Variants in XPR1 observed in about 807,000 individuals in gnomAD.
XPR1 encodes the protein xenotropic and polytropic retrovirus receptor 1.
In XPR1, 28 loss-of-function variants were observed where a neutral mutation model predicts 87.5. The observed-to-expected ratio is 0.32, with a 90% CI of 0.24 to 0.44. The LOEUF (loss-of-function observed/expected upper bound fraction) is 0.44. XPR1 is among the 20% of genes least tolerant of loss of function. The probability of loss-of-function intolerance (pLI) is 1.00; values close to 1 mark genes in which losing one functional copy is unlikely to be tolerated. For synonymous variants in XPR1, 300 were observed against 306.1 expected (o/e 0.98, Z 0.21); for missense variants, 559 against 862.3 (o/e 0.65, Z 4.41).
chr1:180,654,546 T>C (rs1241207667), intron 1 of XPR1, among the ~76,000 whole-genome samples: 1 of 152,130 alleles, frequency 6.6e-6, no homozygotes, highest in Non-Finnish European at 1.5e-5. Context: ...CTAAACTCTT[T>C]CCTCTTAAAC....
At chr1:180,721,790 C>G (rs1436105515) in intron 2 of XPR1, among the ~76,000 whole-genome samples, 1 of 152,108 alleles carries the variant, frequency 6.6e-6, no homozygotes, top group African/African-American at 2.4e-5. Flanking sequence ...ACCACTTCCA[C>G]TTAATTAATA....
rs749095671 is a variant in XPR1 at position 180,753,554 on chromosome 1, T to TA, written c.122-34184dup. ...GGGCAACAGAGTCAGACCCTGTCTT[T>TA]AAAAAAAAAAAAAAAGCAGTGCTGA... On this transcript the variant is annotated intron_variant, in intron 2 of 14. Transcript: ENST00000367590. Among the ~76,000 whole-genome samples, 582 of 138,368 alleles carry TA rather than the reference T, an allele frequency of 4.2e-3. 1 individual carries two copies. Among genetic ancestry groups the TA allele is most frequent in the African/African-American group, 9.2e-3 (347 of 37,660 alleles). 90.8% of individuals were successfully genotyped at this position (138,368 alleles called of 152,430 possible).
At chr1:180,828,399 A>C (rs1650938095) in intron 9 of XPR1, among the ~76,000 whole-genome samples, 1 of 152,176 alleles carries the variant, frequency 6.6e-6, no homozygotes, top group Non-Finnish European at 1.5e-5. Context: ...CTCTCCTTAA[A>C]TCTATATTTA....
rs542293859 is a variant in XPR1, at chr1:180,725,681, C to A, written c.121+43270C>A. 6.6e-5 allele frequency among the ~76,000 whole-genome samples: 10 copies of A among 152,330 alleles called. No homozygotes were observed. In the East Asian group the frequency reaches 1.7e-3, roughly 26 times the overall value. On this transcript the variant is annotated intron_variant, in intron 2 of 14. Coordinates refer to ENST00000367590, the MANE Select transcript of XPR1 (RefSeq NM_004736.4). ...ACAAATTCACCGAAGTCTCATTGAA[C>A]TTACCTAGATATACTATCTCTCATT...
Position 180,788,008 on chromosome 1 carries a change from G to A in XPR1, c.223+154G>A, listed in dbSNP as rs73036576. On this transcript the variant is annotated intron_variant, in intron 3 of 14. Coordinates refer to ENST00000367590, the MANE Select transcript of XPR1 (RefSeq NM_004736.4). ...TTTTCTTGAGCTGGGATAAGAACAC[G>A]TCTGGTTTCTCAATGTTTAAGCTTT... Among the ~76,000 whole-genome samples, 6,484 of 152,096 alleles carry A rather than the reference G, an allele frequency of 0.043. 493 individuals are homozygous for A. The highest frequency in any genetic ancestry group is 0.15 in the African/African-American group (6,056 of 41,472).
chr1:180,784,444 T>A lies in XPR1; in HGVS notation c.122-3309T>A, dbSNP rs561033495. 1.2e-4 allele frequency among the ~76,000 whole-genome samples: 19 copies of A among 152,214 alleles called. No individual in the cohort carries two copies. The East Asian group carries it at 3.7e-3, about 29-fold the overall frequency. ...TTTAATATTGACTTGTAATAATTTTTAAAAATATATTTTGCATGTTAATCA... is the reference window on the plus strand; with the variant it reads ...TTTAATATTGACTTGTAATAATTTTAAAAAATATATTTTGCATGTTAATCA... On this transcript the variant is annotated intron_variant, in intron 2 of 14. Coordinates refer to ENST00000367590, the MANE Select transcript of XPR1 (RefSeq NM_004736.4).
At chr1:180,712,904 T>C (rs1295179574) in intron 2 of XPR1, among the ~76,000 whole-genome samples, 2 of 151,400 alleles carry the variant, frequency 1.3e-5, no homozygotes, top group African/African-American at 4.8e-5. Flanking sequence ...GTAATAGTCT[T>C]GAAATCAATT....
chr1:180,752,910 A>T (rs1370254162), intron 2 of XPR1, among the ~76,000 whole-genome samples: 1 of 152,222 alleles, frequency 6.6e-6, no homozygotes, highest in African/African-American at 2.4e-5. Flanking sequence ...CTGTAATTTT[A>T]TATTGAAACA....
At chr1:180,707,966 T>C (rs1162454936) in intron 2 of XPR1, among the ~76,000 whole-genome samples, 1 of 152,194 alleles carries the variant, frequency 6.6e-6, no homozygotes, top group Non-Finnish European at 1.5e-5. Flanking sequence ...GCATTTCTTG[T>C]TGAGGTCTTT....
Position 180,890,146 on chromosome 1 carries a change from A to G in XPR1, c.*6080A>G, listed in dbSNP as rs1653144433. 6.6e-6 allele frequency: 1 copy of G among 152,232 alleles called. No individual in the cohort carries two copies. The allele number at this position is 152,232 out of a possible 1,614,324, so 9.4% of individuals were successfully genotyped here. A position where few individuals can be genotyped will look rare whatever the true frequency, so the allele number is the denominator to read the frequency against. On this transcript the variant is annotated 3_prime_UTR_variant, in exon 15 of 15. Transcript: ENST00000367590. The stretch of plus-strand genomic sequence containing the variant: ...TGTTTTATAGTTTCTAGATGGTTGT[A>G]TAAAGCAAAAAGTTAATGTGGTTAT...
chr1:180,832,657 A>G (rs1349386068), intron 9 of XPR1, among the ~76,000 whole-genome samples: 1 of 152,188 alleles, frequency 6.6e-6, no homozygotes, highest in Non-Finnish European at 1.5e-5. Context: ...TCCTTTCCCC[A>G]TTGCCTGTTT....
At chr1:180,873,445 TA>T (rs1652568035) in intron 12 of XPR1, among the ~76,000 whole-genome samples, 2 of 152,252 alleles carry the variant, frequency 1.3e-5, no homozygotes, top group Admixed American at 6.5e-5. Flanking sequence ...CTATTAAGTC[TA>T]CTGTACCTGT....
intron 2 of XPR1, among the ~76,000 whole-genome samples, chr1:180,764,595 A>G (rs1361897995): frequency 6.6e-6 from 1 of 151,508 alleles, no homozygotes; most frequent in Non-Finnish European, 1.5e-5. Context: ...TCAGCCTCCC[A>G]TGTAGCTGGG....
chr1:180,851,872 C>A (rs1056693095), intron 11 of XPR1, among the ~76,000 whole-genome samples: 6 of 151,870 alleles, frequency 4.0e-5, no homozygotes, highest in African/African-American at 1.5e-4. Context: ...AAATAAGGAT[C>A]TATATGGATA....
chr1:180,867,001 C>A, intron 12 of XPR1, among the ~76,000 whole-genome samples: 1 of 106,556 alleles, frequency 9.4e-6, no homozygotes, highest in African/African-American at 3.8e-5. Context: ...TGTGATATTC[C>A]CCTTCCTGTG....
chr1:180,731,142 A>T, intron 2 of XPR1, among the ~76,000 whole-genome samples: 1 of 152,190 alleles, frequency 6.6e-6, no homozygotes, highest in East Asian at 1.9e-4. Flanking sequence ...ATTGGTGTCG[A>T]TCTGCACCAT....
intron 7 of XPR1, among the ~76,000 whole-genome samples, chr1:180,819,707 C>G (rs1378743720): frequency 1.3e-5 from 2 of 152,146 alleles, no homozygotes; most frequent in African/African-American, 4.8e-5. Context: ...ATCACCACCA[C>G]TACTAAAACA....
chr1:180,833,883 A>T (rs1283249835), intron 9 of XPR1, among the ~76,000 whole-genome samples: 3 of 152,214 alleles, frequency 2.0e-5, no homozygotes, highest in South Asian at 2.1e-4. Flanking sequence ...AGAATTACTA[A>T]TCAGTTCTTT....
chr1:180,796,966 C>G (rs1407512296), intron 3 of XPR1, among the ~76,000 whole-genome samples: 4 of 152,094 alleles, frequency 2.6e-5, no homozygotes, highest in Non-Finnish European at 5.9e-5. Context: ...AAAGGCAAAT[C>G]AGCAGAGACA....
Sources: allele counts gnomAD v4.1 joint callset (sites outside exome capture counted in the v4.1 genomes callset), GRCh38; gene constraint gnomAD v4.1.1; transcripts MANE v1.5; gene names NCBI Gene and HGNC (gene_info 2026-07-23, HGNC 2026-07-21).